CLIC5: variants seen among roughly 807,000 people sequenced by gnomAD.
The protein encoded by CLIC5 is chloride intracellular channel protein 5.
Under a neutral mutation model 24.7 loss-of-function variants are expected in CLIC5, and 20 were observed. The ratio of observed to expected loss-of-function variants is 0.81; its 90% CI spans 0.57 to 1.18. The LOEUF is 1.18. CLIC5 is among the 50% of genes most tolerant of loss of function. The pLI is 0.00. For missense variants in CLIC5, 341 were observed against 326.1 expected (o/e 1.05, Z -0.35); for synonymous variants, 159 against 135.6 (o/e 1.17, Z -1.20).
intron 1 of CLIC5, among the ~76,000 whole-genome samples, chr6:46,065,166 AG>A (rs1281476834): frequency 2.6e-5 from 4 of 152,190 alleles, no homozygotes; most frequent in African/African-American, 9.6e-5. Context: ...GTACATGAAA[AG>A]ATGCTCAGCC....
chr6:45,919,833 C>T (rs1025838952), intron 4 of CLIC5, among the ~76,000 whole-genome samples: 4 of 152,172 alleles, frequency 2.6e-5, no homozygotes, highest in Non-Finnish European at 5.9e-5. Flanking sequence ...CCTAATCTCT[C>T]TGAGGTCAAT....
chr6:45,996,227 A>C (rs1766133633), intron 1 of CLIC5, among the ~76,000 whole-genome samples: 1 of 152,198 alleles, frequency 6.6e-6, no homozygotes. Flanking sequence ...TGGGGTTAGA[A>C]AGCCAGTTCT....
chr6:46,118,294 C>G, the CLIC5 span, among the ~76,000 whole-genome samples: 1 of 152,258 alleles, frequency 6.6e-6, no homozygotes, highest in East Asian at 1.9e-4. Context: ...GAAAAGTTGC[C>G]TCTATCTTTT....
At chr6:46,078,642 CT>C (rs1762838178) in intron 1 of CLIC5, among the ~76,000 whole-genome samples, 1 of 152,170 alleles carries the variant, frequency 6.6e-6, no homozygotes, top group Non-Finnish European at 1.5e-5. Flanking sequence ...TTGCACAGCC[CT>C]TTCCCCCCAA....
rs1262004300 is a variant in CLIC5 at position 45,900,201 on chromosome 6, C to T, written c.*2887G>A. ...TGCTTCTGCCTTCGTCTCCCACTAC[C>T]CTGCTTCCCCCACCCCCAATAGTGC... On this transcript the variant is annotated 3_prime_UTR_variant, in exon 6 of 6. Coordinates refer to ENST00000339561, the MANE Select transcript of CLIC5 (RefSeq NM_016929.5). 4 of 152,134 alleles carry T rather than the reference C, an allele frequency of 2.6e-5. No homozygotes were observed. Among genetic ancestry groups the T allele is most frequent in the African/African-American group, 9.7e-5 (4 of 41,436 alleles). The allele number at this position is 152,134 out of a possible 1,614,324, so 9.4% of individuals were successfully genotyped here. A position where few individuals can be genotyped will look rare whatever the true frequency, so the allele number is the denominator to read the frequency against.
At chr6:46,068,371 C>T (rs1762499343) in intron 1 of CLIC5, among the ~76,000 whole-genome samples, 1 of 152,124 alleles carries the variant, frequency 6.6e-6, no homozygotes, top group Non-Finnish European at 1.5e-5. Flanking sequence ...CTGCCAGCCA[C>T]TGGCCCAAGG....
rs552303836 is a variant in CLIC5 at position 46,067,670 on chromosome 6, C to T, written c.540+12033G>A. Among the ~76,000 whole-genome samples, 4 of 152,266 alleles carry T rather than the reference C, an allele frequency of 2.6e-5. No homozygotes were observed. The East Asian group carries it at 7.7e-4, about 29-fold the overall frequency. Reference sequence around the variant, plus strand: ...TTTAGAGCTCAAAAGATCAAATAAGCACTCAGCGTACTGGCTTTCTGTCCA... The same window carrying T: ...TTTAGAGCTCAAAAGATCAAATAAGTACTCAGCGTACTGGCTTTCTGTCCA... On this transcript the variant is annotated intron_variant, in intron 1 of 5. Transcript: ENST00000185206.
At chr6:46,108,399 T>TGAGAGAGA in the CLIC5 span, among the ~76,000 whole-genome samples, 29 of 134,436 alleles carry the variant, frequency 2.2e-4, no homozygotes, top group South Asian at 5.0e-3. Context: ...TGTGTGTGTG[T>TGAGAGAGA]GTGAGAGAGA....
At chr6:46,024,308 T>G (rs751835908) in intron 1 of CLIC5, among the ~76,000 whole-genome samples, 1 of 152,184 alleles carries the variant, frequency 6.6e-6, no homozygotes, top group Non-Finnish European at 1.5e-5. Context: ...AGGTGACTCA[T>G]GTTGGCCAGT....
At chr6:46,017,587 G>A (rs570636593), upstream of CLIC5, among the ~76,000 whole-genome samples, 3 of 152,346 alleles carry the variant, frequency 2.0e-5, no homozygotes, top group South Asian at 6.2e-4. Context: ...TGCACACTTT[G>A]AGGAAACAAA....
the CLIC5 span, among the ~76,000 whole-genome samples, chr6:46,124,004 T>G: frequency 6.6e-6 from 1 of 152,218 alleles, no homozygotes; most frequent in African/African-American, 2.4e-5. Flanking sequence ...ATGGCCATAC[T>G]GCCCAAGGTA....
At chr6:46,030,161 G>T (rs1767457705) in intron 1 of CLIC5, among the ~76,000 whole-genome samples, 1 of 152,182 alleles carries the variant, frequency 6.6e-6, no homozygotes, top group Non-Finnish European at 1.5e-5. Flanking sequence ...TTTTCTCAAG[G>T]TTAGTATTTC....
chr6:46,082,599 A>G (rs1365329520), upstream of CLIC5, among the ~76,000 whole-genome samples: 1 of 152,176 alleles, frequency 6.6e-6, no homozygotes, highest in African/African-American at 2.4e-5. Context: ...ATATTCCCAT[A>G]TTAGACCTTT....
the CLIC5 span, among the ~76,000 whole-genome samples, chr6:46,123,406 T>C: frequency 1.3e-5 from 2 of 152,190 alleles, no homozygotes; most frequent in African/African-American, 4.8e-5. Context: ...AAATGCTCAA[T>C]AAATTAGGTA....
chr6:45,972,953 A>C (rs905446164), intron 1 of CLIC5, among the ~76,000 whole-genome samples: 1 of 152,198 alleles, frequency 6.6e-6, no homozygotes, highest in Non-Finnish European at 1.5e-5. Context: ...GGTTCTAAAA[A>C]TGTCAGTGAA....
intron 1 of CLIC5, among the ~76,000 whole-genome samples, chr6:45,958,445 T>TAAACACACACACACACAC (rs1414421064): frequency 1.3e-5 from 1 of 76,466 alleles, no homozygotes; most frequent in African/African-American, 4.7e-5. Flanking sequence ...TATATATATA[T>TAAACACACACACACACAC]ATATATATAT....
chr6:46,061,061 G>A (rs1039860190), intron 1 of CLIC5, among the ~76,000 whole-genome samples: 1 of 152,190 alleles, frequency 6.6e-6, no homozygotes, highest in Admixed American at 6.5e-5. Flanking sequence ...ACATAGGAAG[G>A]AATAGGCAAT....
intron 1 of CLIC5, among the ~76,000 whole-genome samples, chr6:46,028,742 C>T (rs1423687698): frequency 6.6e-6 from 1 of 152,188 alleles, no homozygotes; most frequent in Non-Finnish European, 1.5e-5. Flanking sequence ...CAGCCTCCCC[C>T]ATTATCAACA....
At chr6:45,999,115 G>T (rs1464786857) in intron 1 of CLIC5, among the ~76,000 whole-genome samples, 1 of 152,158 alleles carries the variant, frequency 6.6e-6, no homozygotes, top group Non-Finnish European at 1.5e-5. Context: ...ACCTCACACA[G>T]TGAGGTACAC....
Sources: gnomAD v4.1 joint callset for allele counts (sites outside exome capture counted in the v4.1 genomes callset) on GRCh38, gnomAD v4.1.1 for gene constraint, MANE v1.5 for transcripts, NCBI Gene and HGNC (gene_info 2026-07-23, HGNC 2026-07-21) for gene names.